Variants in FMN1 observed in about 807,000 individuals in gnomAD.
FMN1 encodes the protein formin 1.
FMN1 carries 110 observed loss-of-function variants against 132.4 expected under a neutral mutation model. That is an observed-to-expected ratio of 0.83 (90% CI 0.71 to 0.97). The LOEUF (loss-of-function observed/expected upper bound fraction) is 0.97, where lower values mean the gene tolerates loss of function less well. Ranked by LOEUF, FMN1 falls within the 50% of genes least tolerant of loss-of-function variation. The probability of loss-of-function intolerance (pLI) is 0.00; values close to 1 mark genes in which losing one functional copy is unlikely to be tolerated. For missense variants in FMN1, 1,792 were observed against 1,705.3 expected, an observed-to-expected ratio of 1.05 and a Z score of -0.90; for synonymous variants, 722 against 651.7, an observed-to-expected ratio of 1.11 and a Z score of -1.64.
intron 17 of FMN1, among the ~76,000 whole-genome samples, chr15:32,839,172 A>C (rs1389421454): frequency 1.3e-5 from 2 of 152,188 alleles, no homozygotes; most frequent in Non-Finnish European, 2.9e-5. Flanking sequence ...GATGGGTTCC[A>C]GCGGCTGGCT....
chr15:33,075,452 T>C (rs2038171812), intron 5 of FMN1, among the ~76,000 whole-genome samples: 1 of 152,148 alleles, frequency 6.6e-6, no homozygotes. Flanking sequence ...GCCGCAACCA[T>C]GCCACAAGGA....
chr15:33,142,279 A>T (rs964754309), intron 4 of FMN1, among the ~76,000 whole-genome samples: 1 of 152,154 alleles, frequency 6.6e-6, no homozygotes, highest in African/African-American at 2.4e-5. Context: ...TAAAACAGAA[A>T]CTGAGGTCCC....
chr15:32,924,258 G>A (rs535311262), intron 10 of FMN1, among the ~76,000 whole-genome samples: 1 of 152,256 alleles, frequency 6.6e-6, no homozygotes, highest in South Asian at 2.1e-4. Flanking sequence ...TCACACTTAT[G>A]TATTCAGCTC....
rs527344922 is a variant in FMN1 at position 32,923,256 on chromosome 15, C to A, written c.3226+2918G>T. Among the ~76,000 whole-genome samples, 32 of 152,306 alleles carry A rather than the reference C, an allele frequency of 2.1e-4. No individual in the cohort carries two copies. The East Asian group carries it at 5.2e-3, about 25-fold the overall frequency. Reference sequence around the variant, plus strand: ...ATAGCCCCTCTCACATTAAAATAAACTTTTTAGGCCAACATCAGCACAGGG... The same window carrying A: ...ATAGCCCCTCTCACATTAAAATAAAATTTTTAGGCCAACATCAGCACAGGG... On this transcript the variant is annotated intron_variant, in intron 10 of 20. Transcript: ENST00000616417.
intron 2 of FMN1, among the ~76,000 whole-genome samples, chr15:33,186,214 A>T (rs1405900897): frequency 6.6e-6 from 1 of 151,602 alleles, no homozygotes; most frequent in African/African-American, 2.4e-5. Context: ...GTCAAAATCT[A>T]TTTCCATTCA....
chr15:33,159,544 C>T lies in FMN1; in HGVS notation c.-131-4499G>A, dbSNP rs117954298. 1.8e-3 allele frequency among the ~76,000 whole-genome samples: 269 copies of T among 152,268 alleles called. 1 individual carries two copies. Among genetic ancestry groups the T allele is most frequent in the Non-Finnish European group, 3.6e-3 (242 of 68,024 alleles). Reference sequence around the variant, plus strand: ...GTAAGATAAAGTAAGTGCACTCTATCCTAGCTCTCCCACTGAATGTAACAG... The same window carrying T: ...GTAAGATAAAGTAAGTGCACTCTATTCTAGCTCTCCCACTGAATGTAACAG... On this transcript the variant is annotated intron_variant, in intron 3 of 20. Transcript: ENST00000616417.
intron 6 of FMN1, among the ~76,000 whole-genome samples, chr15:33,051,162 C>T (rs1040872320): frequency 6.6e-6 from 1 of 152,126 alleles, no homozygotes; most frequent in South Asian, 2.1e-4. Context: ...ATATACCATT[C>T]TCTGAATTAG....
chr15:33,115,252 G>A (rs981633546), intron 4 of FMN1, among the ~76,000 whole-genome samples: 1 of 152,172 alleles, frequency 6.6e-6, no homozygotes, highest in South Asian at 2.1e-4. Flanking sequence ...TGTCCTATAA[G>A]GAGGGTGGGA....
At chr15:33,041,341 G>C (rs190802781) in intron 6 of FMN1, among the ~76,000 whole-genome samples, 1 of 146,106 alleles carries the variant, frequency 6.8e-6, no homozygotes, top group Admixed American at 7.0e-5. Context: ...ACACAATAAT[G>C]TCTACTATTC....
At chr15:33,072,289 C>G (rs2038029103) in intron 5 of FMN1, among the ~76,000 whole-genome samples, 1 of 152,170 alleles carries the variant, frequency 6.6e-6, no homozygotes, top group African/African-American at 2.4e-5. Flanking sequence ...GAAACCTGCA[C>G]ATATGAAGGG....
intron 19 of FMN1, among the ~76,000 whole-genome samples, chr15:32,797,191 A>C (rs771816770): frequency 4.6e-4 from 70 of 152,254 alleles, no homozygotes; most frequent in Non-Finnish European, 9.4e-4. Flanking sequence ...AATGTGGAAT[A>C]CAGTTATTTC....
intron 17 of FMN1, among the ~76,000 whole-genome samples, chr15:32,811,827 G>A (rs1239502165): frequency 6.6e-6 from 1 of 151,936 alleles, no homozygotes; most frequent in African/African-American, 2.4e-5. Flanking sequence ...ACCATGCCTG[G>A]CTAATTTTTG....
intron 10 of FMN1, among the ~76,000 whole-genome samples, chr15:32,914,484 C>G (rs1567382478): frequency 6.6e-6 from 1 of 152,188 alleles, no homozygotes; most frequent in Non-Finnish European, 1.5e-5. Flanking sequence ...ACACTCCAAA[C>G]ATAGTTTGGG....
chr15:33,077,923 C>CTA (rs1326169241), intron 5 of FMN1, among the ~76,000 whole-genome samples: 1 of 152,034 alleles, frequency 6.6e-6, no homozygotes, highest in Non-Finnish European at 1.5e-5. Context: ...AAATGCAAAT[C>CTA]TAAACCACAA....
At chr15:32,923,296 G>A (rs1174385177) in intron 10 of FMN1, among the ~76,000 whole-genome samples, 1 of 152,084 alleles carries the variant, frequency 6.6e-6, no homozygotes, top group Admixed American at 6.5e-5. Flanking sequence ...CTTTCACCAG[G>A]GTGACAACAC....
At chr15:33,077,691 G>T (rs538170417) in intron 5 of FMN1, among the ~76,000 whole-genome samples, 9 of 149,958 alleles carry the variant, frequency 6.0e-5, no homozygotes, top group African/African-American at 2.2e-4. Flanking sequence ...CAAAGGCCAT[G>T]AATTCATCAT....
intron 17 of FMN1, among the ~76,000 whole-genome samples, chr15:32,833,551 C>G (rs1475249686): frequency 2.0e-5 from 3 of 152,154 alleles, no homozygotes; most frequent in Non-Finnish European, 4.4e-5. Flanking sequence ...GTCAGTCACT[C>G]AAGTCCCCGG....
chr15:32,866,886 A>C (rs1163139707), intron 16 of FMN1, among the ~76,000 whole-genome samples: 1 of 151,984 alleles, frequency 6.6e-6, no homozygotes, highest in Non-Finnish European at 1.5e-5. Flanking sequence ...CTTTCCTCCT[A>C]CTTCTGCCTG....
intron 19 of FMN1, among the ~76,000 whole-genome samples, chr15:32,785,276 C>G (rs1395308784): frequency 4.5e-5 from 6 of 134,354 alleles, no homozygotes; most frequent in African/African-American, 5.7e-5. Flanking sequence ...AGGCTGGTCT[C>G]AAACTCCTGA....
Sources: allele counts gnomAD v4.1 joint callset (sites outside exome capture counted in the v4.1 genomes callset), GRCh38; gene constraint gnomAD v4.1.1; transcripts MANE v1.5; gene names NCBI Gene and HGNC (gene_info 2026-07-23, HGNC 2026-07-21).